FOSL1: variants seen among roughly 807,000 people sequenced by gnomAD.
FOSL1 encodes FOS like 1, AP-1 transcription factor subunit.
Under a neutral mutation model 24.9 loss-of-function variants are expected in FOSL1, and 14 were observed. The ratio of observed to expected loss-of-function variants is 0.56; its 90% CI spans 0.37 to 0.88. The LOEUF is 0.88. Ranked by LOEUF, FOSL1 falls within the 40% of genes least tolerant of loss-of-function variation. FOSL1 has a pLI of 0.00. For missense variants in FOSL1, 318 were observed against 359.8 expected (o/e 0.88, Z 0.94); for synonymous variants, 133 against 145.1 (o/e 0.92, Z 0.60).
intron 1 of FOSL1, 149 bp downstream of exon 1, chr11:65,900,092 C>G (rs1182695850): frequency 2.4e-6 from 1 of 410,224 alleles, no homozygotes; most frequent in Non-Finnish European, 4.2e-6. Flanking sequence ...GGCAACTGGC[C>G]CCGGACGGCG....
chr11:65,894,572 G>T (rs1860477016), intron 2 of FOSL1, among the ~76,000 whole-genome samples: 1 of 152,166 alleles, frequency 6.6e-6, no homozygotes, highest in South Asian at 2.1e-4. Flanking sequence ...TGATTAAGTT[G>T]CAATTTATTG....
At chr11:65,900,220 C>T in intron 1 of FOSL1, 21 bp downstream of exon 1, 3 of 1,183,560 alleles carry the variant, frequency 2.5e-6, no homozygotes, top group Non-Finnish European at 2.1e-6. Context: ...CGTGGGACCA[C>T]CGGCGTCGGG....
chr11:65,900,390 C>G, upstream of FOSL1: 2 of 1,024,662 alleles, frequency 2.0e-6, no homozygotes, highest in South Asian at 9.9e-5. Flanking sequence ...TTCTGACTCA[C>G]CCGCGCCGTG....
chr11:65,899,320 C>T (rs1860610792), intron 1 of FOSL1, among the ~76,000 whole-genome samples: 1 of 152,196 alleles, frequency 6.6e-6, no homozygotes, highest in African/African-American at 2.4e-5. Context: ...TCCGAGGCAC[C>T]GCCGGCGGCA....
chr11:65,894,361 C>T (rs973636323), intron 2 of FOSL1, among the ~76,000 whole-genome samples: 2 of 152,192 alleles, frequency 1.3e-5, no homozygotes, highest in African/African-American at 4.8e-5. Flanking sequence ...TGCCCTCCCC[C>T]TCCGCAAACC....
rs1176787519 is a variant in FOSL1 at position 65,893,001 on chromosome 11, A to T, written c.701T>A (p.Val234Asp). The change falls in exon 4 of 4, where the codon GTC becomes GAC. Residue 234 changes from valine (V) to aspartate (D), a missense_variant. By Grantham distance (152) the Val-to-Asp change is radical. Transcript: ENST00000312562. ...PSLTPFTPSL[V>D]FTYPSTPEPC... ...CTCAGGAGTGCTGGGGTAGGTGAAGACCAGGCTGGGGGTGAAAGGAGTTAG... is the reference window on the plus strand; with the variant it reads ...CTCAGGAGTGCTGGGGTAGGTGAAGTCCAGGCTGGGGGTGAAAGGAGTTAG... 1 of 1,612,702 alleles carries T rather than the reference A, an allele frequency of 6.2e-7. No homozygotes were observed. Among genetic ancestry groups the T allele is most frequent in the South Asian group, 1.1e-5 (1 of 90,968 alleles).
At chr11:65,895,685 C>T (rs943308476) in intron 2 of FOSL1, among the ~76,000 whole-genome samples, 1 of 152,216 alleles carries the variant, frequency 6.6e-6, no homozygotes, top group Non-Finnish European at 1.5e-5. Flanking sequence ...ACCCCTGGCC[C>T]GCTTCTGCGG....
intron 1 of FOSL1, 92 bp downstream of exon 1, chr11:65,900,149 T>G (rs1860635937): frequency 1.6e-6 from 1 of 614,792 alleles, no homozygotes; most frequent in South Asian, 8.3e-5. Flanking sequence ...CCGACTCCGG[T>G]TCCCCGCTCC....
intron 3 of FOSL1, among the ~76,000 whole-genome samples, chr11:65,893,725 A>T (rs1350168608): frequency 6.6e-6 from 1 of 151,620 alleles, no homozygotes; most frequent in Non-Finnish European, 1.5e-5. Context: ...TGGGAGACAG[A>T]TGTCACAGTG....
Position 65,893,907 on chromosome 11 carries a change from T to G in FOSL1, c.405+107A>C, listed in dbSNP as rs1370897063. The G allele has an allele frequency of 3.4e-5, 26 of 767,460 alleles. 1 individual carries two copies. The South Asian group carries it at 3.8e-4, about 11-fold the overall frequency. The allele number at this position is 767,460 out of a possible 1,614,324, so 47.5% of individuals were successfully genotyped here. A position where few individuals can be genotyped will look rare whatever the true frequency, so the allele number is the denominator to read the frequency against. On this transcript the variant is annotated intron_variant, in intron 3 of 3. Transcript: ENST00000312562. ...ATCATTTTCCCAGAAGGACTGCCCC[T>G]CAGACAAGGAGCTAGGATGGTGAGG...
intron 2 of FOSL1, among the ~76,000 whole-genome samples, chr11:65,894,394 A>T (rs961742165): frequency 8.6e-5 from 13 of 151,920 alleles, no homozygotes; most frequent in Admixed American, 2.0e-4. Context: ...ATCTCCCAGG[A>T]CTCAACTAAG....
chr11:65,900,222 G>A lies in FOSL1; in HGVS notation c.99+19C>T, dbSNP rs557472807. ...CGCGCGGTCCTCCCGTGGGACCACC[G>A]GCGTCGGGCCCCACTCACCTGCTGG... On this transcript the variant is annotated intron_variant, in intron 1 of 3. Coordinates refer to ENST00000312562, the MANE Select transcript of FOSL1 (RefSeq NM_005438.5). The A allele has an allele frequency of 1.3e-5, 15 of 1,187,912 alleles. No individual in the cohort carries two copies. The South Asian group carries it at 5.5e-4, about 43-fold the overall frequency. 73.6% of individuals were successfully genotyped at this position (1,187,912 alleles called of 1,614,324 possible). A position where few individuals can be genotyped will look rare whatever the true frequency, so the allele number is the denominator to read the frequency against.
upstream of FOSL1, chr11:65,900,456 G>A: frequency 2.0e-6 from 1 of 502,634 alleles, no homozygotes; most frequent in Non-Finnish European, 3.1e-6. Flanking sequence ...CTGCGACCGC[G>A]GGGGGTGGGG....
chr11:65,895,360 A>G (rs1007422787), intron 2 of FOSL1, among the ~76,000 whole-genome samples: 3 of 150,792 alleles, frequency 2.0e-5, no homozygotes, highest in African/African-American at 7.3e-5. Context: ...TCCTGACCTC[A>G]TGATCCACCT....
chr11:65,897,228 C>A (rs1860550747), intron 1 of FOSL1, among the ~76,000 whole-genome samples: 1 of 152,166 alleles, frequency 6.6e-6, no homozygotes, highest in African/African-American at 2.4e-5. Flanking sequence ...CCCATTTCCC[C>A]ATTAGAACTA....
At chr11:65,896,777 G>T (rs768098467) in intron 2 of FOSL1, 32 bp downstream of exon 2, 4 of 1,546,746 alleles carry the variant, frequency 2.6e-6, no homozygotes, top group Non-Finnish European at 3.5e-6. Context: ...CCTGGGCGGG[G>T]TCGGAACCAC....
chr11:65,900,136 G>A (rs1384003182), intron 1 of FOSL1, 105 bp downstream of exon 1: 2 of 526,826 alleles, frequency 3.8e-6, no homozygotes, highest in South Asian at 9.9e-5. Context: ...CCCCAGCCCG[G>A]CCCCGACTCC....
At position 65,893,159 on chromosome 11, in the gene FOSL1, C is replaced by T. The variant is rs1418392898; in HGVS notation, c.543G>A (p.Gly181=). ...ICKIPEGAKE[G]DTGSTSGTSS... ...TGGTGCCACTGGTACTGCCTGTGTC[C>T]CCCTCCTTGGCTCCTTCCGGGATTT... The change falls in exon 4 of 4, where the codon GGG becomes GGA. Residue 181 remains glycine (G), a synonymous_variant. Coordinates refer to ENST00000312562, the MANE Select transcript of FOSL1 (RefSeq NM_005438.5). The T allele has an allele frequency of 1.2e-6, 2 of 1,613,532 alleles. No homozygotes were observed. Among genetic ancestry groups the T allele is most frequent in the South Asian group, 1.1e-5 (1 of 91,048 alleles).
At chr11:65,900,407 C>T, upstream of FOSL1, 1 of 919,562 alleles carries the variant, frequency 1.1e-6, no homozygotes. Context: ...CGTGCGGAGT[C>T]TTTTCTTTTT....
Sources: allele counts gnomAD v4.1 joint callset (sites outside exome capture counted in the v4.1 genomes callset), GRCh38; gene constraint gnomAD v4.1.1; transcripts MANE v1.5; gene names NCBI Gene and HGNC (gene_info 2026-07-23, HGNC 2026-07-21).